SSBP3: variants seen among roughly 807,000 people sequenced by gnomAD.
The protein encoded by SSBP3 is single-stranded DNA-binding protein 3.
A neutral mutation model predicts 69.6 loss-of-function variants in SSBP3; 5 were observed. The ratio of observed to expected loss-of-function variants is 0.07; its 90% CI spans 0.04 to 0.15. SSBP3 has a LOEUF of 0.15. SSBP3 is among the 10% of genes least tolerant of loss of function. The pLI is 1.00. For synonymous variants in SSBP3, 196 were observed against 193.4 expected, an observed-to-expected ratio of 1.01 and a Z score of -0.11; for missense variants, 312 against 534.0, an observed-to-expected ratio of 0.58 and a Z score of 4.10.
exon 18 of SSBP3, chr1:54,226,356 T>C (rs1644284820): frequency 6.5e-6 from 1 of 153,222 alleles, no homozygotes. Flanking sequence ...ATGAGGGTGC[T>C]GGGTTCTGGG....
intron 4 of SSBP3, among the ~76,000 whole-genome samples, chr1:54,313,320 T>C (rs1646037974): frequency 6.6e-6 from 1 of 151,720 alleles, no homozygotes; most frequent in Non-Finnish European, 1.5e-5. Context: ...GGGAGCACAG[T>C]CTATAACCCT....
chr1:54,341,565 C>T (rs1646606684), intron 4 of SSBP3, among the ~76,000 whole-genome samples: 1 of 152,082 alleles, frequency 6.6e-6, no homozygotes, highest in African/African-American at 2.4e-5. Context: ...CAAGGATGAC[C>T]AAGGGCAAAA....
chr1:54,264,962 A>G (rs1645076866), intron 5 of SSBP3, among the ~76,000 whole-genome samples: 1 of 152,212 alleles, frequency 6.6e-6, no homozygotes, highest in African/African-American at 2.4e-5. Flanking sequence ...TCTGCCTGTT[A>G]GGTGTGTTGC....
chr1:54,354,383 A>G (rs1646830093), intron 4 of SSBP3, among the ~76,000 whole-genome samples: 1 of 152,100 alleles, frequency 6.6e-6, no homozygotes, highest in Non-Finnish European at 1.5e-5. Flanking sequence ...GGGACCCTCA[A>G]TGGACTCTGA....
intron 5 of SSBP3, 25 bp downstream of exon 5, chr1:54,281,413 C>T (rs1376368280): frequency 1.9e-6 from 3 of 1,539,896 alleles, no homozygotes; most frequent in South Asian, 1.2e-5. Flanking sequence ...AGGTGGAGCA[C>T]AAGACCCACG....
At position 54,258,022 on chromosome 1, in the gene SSBP3, T is replaced by TCCGCGCC; in HGVS notation, c.447+40_447+46dup. 6.5e-7 allele frequency: 1 copy of TCCGCGCC among 1,543,028 alleles called. No homozygotes were observed. The highest frequency in any genetic ancestry group is 8.8e-7 in the Non-Finnish European group (1 of 1,140,186). On this transcript the variant is annotated intron_variant, in intron 6 of 17. Coordinates refer to ENST00000610401, the Ensembl canonical transcript of SSBP3. This position sits in a 1 kb window ranked among gnomAD's most constrained non-coding sequence, Gnocchi z 4.5. Reference sequence around the variant, plus strand: ...TTTCCTCTGCGGGCTCTCTGCTTCCTCCGCGCCCCGCGTCCCCGGCGGGCG... The same window carrying TCCGCGCC: ...TTTCCTCTGCGGGCTCTCTGCTTCCTCCGCGCCCCGCGCCCCGCGTCCCCGGCGGGCG...
At chr1:54,227,765 G>C (rs1189153009) in intron 17 of SSBP3, among the ~76,000 whole-genome samples, 1 of 152,192 alleles carries the variant, frequency 6.6e-6, no homozygotes, top group African/African-American at 2.4e-5. Flanking sequence ...TTTATGTAGA[G>C]ATGAGGTTTC....
intron 4 of SSBP3, among the ~76,000 whole-genome samples, chr1:54,394,684 CCTT>C (rs934647073): frequency 1.3e-5 from 2 of 149,596 alleles, no homozygotes; most frequent in African/African-American, 2.5e-5. Flanking sequence ...CTCACTGTCT[CCTT>C]AAGACTCCTT....
chr1:54,398,079 A>G (rs1649022402), intron 4 of SSBP3, among the ~76,000 whole-genome samples: 1 of 152,208 alleles, frequency 6.6e-6, no homozygotes, highest in African/African-American at 2.4e-5. Context: ...AAGTGTCAAT[A>G]AAAGCTGAGA....
intron 5 of SSBP3, among the ~76,000 whole-genome samples, chr1:54,275,515 CAGCTTTTGGGAA>C (rs1645268906): frequency 6.6e-6 from 1 of 152,210 alleles, no homozygotes; most frequent in Non-Finnish European, 1.5e-5. Flanking sequence ...GCATTTGGCT[CAGCTTTTGGGAA>C]CTGCCCCAGT....
At chr1:54,228,878 C>G (rs563757622) in intron 14 of SSBP3, 52 bp from the exon 15 acceptor site, 3 of 1,563,668 alleles carry the variant, frequency 1.9e-6, no homozygotes, top group Admixed American at 3.6e-5. Flanking sequence ...GCCCTCTGCA[C>G]CCCTCACAGG....
chr1:54,258,027 G>A lies in SSBP3; in HGVS notation c.447+42C>T, dbSNP rs757298553. The A allele has an allele frequency of 9.7e-6, 15 of 1,546,686 alleles. No homozygotes were observed. The highest frequency in any genetic ancestry group is 8.1e-5 in the African/African-American group (6 of 73,732). On this transcript the variant is annotated intron_variant, in intron 6 of 17. Transcript: ENST00000610401. This position sits in a 1 kb window ranked among gnomAD's most constrained non-coding sequence, Gnocchi z 4.5. ...TCTGCGGGCTCTCTGCTTCCTCCGC[G>A]CCCCGCGTCCCCGGCGGGCGGGAGC...
chr1:54,324,733 T>C (rs1646271212), intron 4 of SSBP3, among the ~76,000 whole-genome samples: 1 of 152,336 alleles, frequency 6.6e-6, no homozygotes, highest in East Asian at 1.9e-4. Flanking sequence ...TATATCCTGC[T>C]TGAAATTTTT....
chr1:54,319,485 T>C (rs919745247), intron 4 of SSBP3, among the ~76,000 whole-genome samples: 2 of 151,974 alleles, frequency 1.3e-5, no homozygotes, highest in Non-Finnish European at 2.9e-5. Flanking sequence ...GAAACCCCTT[T>C]ATAAGGGAAA....
rs186603084 is a variant in SSBP3, at chr1:54,271,969, C to T, written c.366+9469G>A. 6.2e-4 allele frequency among the ~76,000 whole-genome samples: 95 copies of T among 152,176 alleles called. No individual in the cohort carries two copies. The East Asian group carries it at 0.018, about 28-fold the overall frequency. On this transcript the variant is annotated intron_variant, in intron 5 of 17. Coordinates refer to ENST00000610401, the Ensembl canonical transcript of SSBP3. Reference sequence around the variant, plus strand: ...ATTTTCAATACAGACGAGGTTTCACCATGTTGGTCAGGCTGGTCTCGAACT... The same window carrying T: ...ATTTTCAATACAGACGAGGTTTCACTATGTTGGTCAGGCTGGTCTCGAACT...
chr1:54,244,056 T>G (rs531934844), intron 9 of SSBP3, among the ~76,000 whole-genome samples: 1 of 151,656 alleles, frequency 6.6e-6, no homozygotes, highest in Admixed American at 6.6e-5. Flanking sequence ...GAGCCTCTCA[T>G]GTAGTTGGGA....
At chr1:54,290,695 G>A (rs918516517) in intron 4 of SSBP3, among the ~76,000 whole-genome samples, 1 of 152,182 alleles carries the variant, frequency 6.6e-6, no homozygotes, top group Non-Finnish European at 1.5e-5. Context: ...TGGTGAGGGA[G>A]TGGATCCCAG....
chr1:54,247,073 C>A (rs1270355622), intron 9 of SSBP3, among the ~76,000 whole-genome samples: 1 of 152,230 alleles, frequency 6.6e-6, no homozygotes, highest in Non-Finnish European at 1.5e-5. Context: ...TGGCCACATT[C>A]ACAGGGGCCA....
chr1:54,309,908 A>G (rs1645968627), intron 4 of SSBP3, among the ~76,000 whole-genome samples: 1 of 152,134 alleles, frequency 6.6e-6, no homozygotes, highest in Non-Finnish European at 1.5e-5. Flanking sequence ...TCCTCTATTA[A>G]AATGCTCTTG....
Sources: allele counts gnomAD v4.1 joint callset (sites outside exome capture counted in the v4.1 genomes callset), GRCh38; gene constraint gnomAD v4.1.1; non-coding constraint Gnocchi (gnomAD v3.1); transcripts MANE v1.5; gene names NCBI Gene and HGNC (gene_info 2026-07-23, HGNC 2026-07-21).